Variants in PLCB1 observed in about 807,000 individuals in gnomAD.
PLCB1 encodes the protein phospholipase C beta 1, also known as 1-phosphatidylinositol 4,5-bisphosphate phosphodiesterase beta-1.
PLCB1 carries 46 observed loss-of-function variants against 161.8 expected under a neutral mutation model. The observed-to-expected ratio is 0.28, with a 90% CI of 0.22 to 0.36. The LOEUF is 0.36. Among genes scored for constraint, PLCB1 ranks in the 10% least tolerant of loss-of-function variants. PLCB1 has a pLI of 1.00. For synonymous variants in PLCB1, 517 were observed against 503.7 expected (o/e 1.03, Z -0.35); for missense variants, 1,016 against 1,472.5 (o/e 0.69, Z 5.07).
chr20:8,768,222 C>T (rs1000225594), intron 26 of PLCB1, among the ~76,000 whole-genome samples: 3 of 152,050 alleles, frequency 2.0e-5, no homozygotes, highest in African/African-American at 7.2e-5. Flanking sequence ...GTGGACTATG[C>T]GCTCTCTGAA....
intron 2 of PLCB1, among the ~76,000 whole-genome samples, chr20:8,160,828 T>C (rs1004441473): frequency 1.3e-5 from 2 of 152,126 alleles, no homozygotes; most frequent in African/African-American, 4.8e-5. Context: ...TAAACATTTA[T>C]CACACACACA....
At chr20:8,858,106 AT>A (rs1987129126) in intron 31 of PLCB1, among the ~76,000 whole-genome samples, 1 of 152,098 alleles carries the variant, frequency 6.6e-6, no homozygotes, top group African/African-American at 2.4e-5. Context: ...TTTAATTTTT[AT>A]TGTTAGCTTT....
At chr20:8,542,764 C>T (rs1004462802) in intron 3 of PLCB1, among the ~76,000 whole-genome samples, 1 of 152,192 alleles carries the variant, frequency 6.6e-6, no homozygotes, top group African/African-American at 2.4e-5. Context: ...AGGTGGTGCT[C>T]AGTGTCCTTC....
chr20:8,424,106 G>T (rs1979647299), intron 3 of PLCB1, among the ~76,000 whole-genome samples: 1 of 152,084 alleles, frequency 6.6e-6, no homozygotes, highest in Non-Finnish European at 1.5e-5. Context: ...TAGGCCTACA[G>T]GTTATTCTCA....
intron 4 of PLCB1, among the ~76,000 whole-genome samples, chr20:8,632,852 G>A (rs1600210865): frequency 6.6e-6 from 1 of 152,260 alleles, no homozygotes; most frequent in African/African-American, 2.4e-5. Flanking sequence ...TTTTGCTGTA[G>A]GATGGCATAG....
intron 2 of PLCB1, among the ~76,000 whole-genome samples, chr20:8,255,195 T>C (rs191062538): frequency 4.9e-4 from 75 of 152,172 alleles, no homozygotes; most frequent in African/African-American, 1.7e-3. Context: ...AGTTTATTGG[T>C]TGGACATCAG....
At chr20:8,725,462 G>A (rs1979884987) in intron 16 of PLCB1, among the ~76,000 whole-genome samples, 1 of 152,086 alleles carries the variant, frequency 6.6e-6, no homozygotes, top group Non-Finnish European at 1.5e-5. Context: ...TTGCCTAAAT[G>A]TACTAGCTTC....
In PLCB1 at chr20:8,866,824, C is replaced by A. The variant is rs186558649; in HGVS notation, c.3424-14798C>A. Among the ~76,000 whole-genome samples, 295 of 152,210 alleles carry A rather than the reference C, an allele frequency of 1.9e-3. 2 individuals carry two copies. Among genetic ancestry groups the A allele is most frequent in the South Asian group, 0.013 (63 of 4,820 alleles). Reference sequence around the variant, plus strand: ...TCAAAATGCCTGTGAGGCCAAGAAACAAATGTCTAGTTTCCTTTCAGATAA... The same window carrying A: ...TCAAAATGCCTGTGAGGCCAAGAAAAAAATGTCTAGTTTCCTTTCAGATAA... On this transcript the variant is annotated intron_variant, in intron 31 of 31. Coordinates refer to ENST00000338037, the MANE Select transcript of PLCB1 (RefSeq NM_015192.4).
At chr20:8,197,686 G>A (rs1165804386) in intron 2 of PLCB1, among the ~76,000 whole-genome samples, 1 of 152,068 alleles carries the variant, frequency 6.6e-6, no homozygotes, top group Non-Finnish European at 1.5e-5. Flanking sequence ...TGTCAATTTT[G>A]GCTTTTGTTG....
At chr20:8,160,619 A>G (rs182307328) in intron 2 of PLCB1, among the ~76,000 whole-genome samples, 2 of 152,308 alleles carry the variant, frequency 1.3e-5, no homozygotes, top group East Asian at 3.9e-4. Context: ...TATCATGAGA[A>G]CAGCAGAGGA....
At chr20:8,499,158 C>CAGAA (rs1983300904) in intron 3 of PLCB1, among the ~76,000 whole-genome samples, 1 of 152,168 alleles carries the variant, frequency 6.6e-6, no homozygotes, top group South Asian at 2.1e-4. Context: ...GGTTTTCATT[C>CAGAA]AGAAAGTATT....
intron 31 of PLCB1, chr20:8,802,132 A>G: frequency 7.5e-6 from 12 of 1,610,346 alleles, no homozygotes; most frequent in East Asian, 2.2e-5. Context: ...ACTCCCCCCA[A>G]CCCTCAAGCT....
chr20:8,646,474 C>G lies in PLCB1; in HGVS notation c.464+293C>G, dbSNP rs557573270. ...ACACTTCCAAATCCTGGCAGCTGTGCTCAGAACTAAAAATTATTAATTTCA... is the reference window on the plus strand; with the variant it reads ...ACACTTCCAAATCCTGGCAGCTGTGGTCAGAACTAAAAATTATTAATTTCA... On this transcript the variant is annotated intron_variant, in intron 5 of 31. Transcript: ENST00000338037. 3.3e-5 allele frequency among the ~76,000 whole-genome samples: 5 copies of G among 152,312 alleles called. No homozygotes were observed. The East Asian group carries it at 9.7e-4, about 29-fold the overall frequency.
intron 3 of PLCB1, among the ~76,000 whole-genome samples, chr20:8,375,371 G>A (rs1276606095): frequency 1.3e-5 from 2 of 152,220 alleles, no homozygotes; most frequent in South Asian, 2.1e-4. Flanking sequence ...TATCACTGCG[G>A]CCTCTGATCT....
At chr20:8,387,822 G>T (rs1208509172) in intron 3 of PLCB1, among the ~76,000 whole-genome samples, 1 of 152,106 alleles carries the variant, frequency 6.6e-6, no homozygotes, top group South Asian at 2.1e-4. Flanking sequence ...GGGAGTTATT[G>T]TTTAGTGGGT....
At chr20:8,509,790 A>T (rs1280887999) in intron 3 of PLCB1, among the ~76,000 whole-genome samples, 1 of 151,680 alleles carries the variant, frequency 6.6e-6, no homozygotes, top group African/African-American at 2.4e-5. Flanking sequence ...AGATAGCATG[A>T]AGATGGTTGA....
At chr20:8,792,976 C>A (rs1156839932) in intron 31 of PLCB1, among the ~76,000 whole-genome samples, 8 of 152,162 alleles carry the variant, frequency 5.3e-5, no homozygotes, top group Admixed American at 1.3e-4. Flanking sequence ...GTCGCTGATG[C>A]TCCTGTAACT....
intron 3 of PLCB1, among the ~76,000 whole-genome samples, chr20:8,540,154 GAA>G: frequency 6.6e-6 from 1 of 151,518 alleles, no homozygotes; most frequent in South Asian, 2.1e-4. Context: ...AAAGAAAAAA[GAA>G]AGTTTGCATC....
chr20:8,671,800 A>G (rs1989951750), intron 9 of PLCB1, among the ~76,000 whole-genome samples: 1 of 152,172 alleles, frequency 6.6e-6, no homozygotes, highest in Admixed American at 6.5e-5. Context: ...AAGCACCATC[A>G]ACCACACCCA....
Sources: allele counts gnomAD v4.1 joint callset (sites outside exome capture counted in the v4.1 genomes callset), GRCh38; gene constraint gnomAD v4.1.1; transcripts MANE v1.5; gene names NCBI Gene and HGNC (gene_info 2026-07-23, HGNC 2026-07-21).